The following PTPRT variants were observed in gnomAD, a reference collection of about 807,000 sequenced individuals.
PTPRT encodes receptor-type tyrosine-protein phosphatase T.
A neutral mutation model predicts 176.8 loss-of-function variants in PTPRT; 56 were observed. The ratio of observed to expected loss-of-function variants is 0.32; its 90% confidence interval spans 0.26 to 0.40. The LOEUF is 0.40. Among genes scored for constraint, PTPRT ranks in the 10% least tolerant of loss-of-function variants. PTPRT has a pLI of 1.00. For synonymous variants in PTPRT, 783 were observed against 739.0 expected, an observed-to-expected ratio of 1.06 and a Z score of -0.96; for missense variants, 1,540 against 1,908.2, an observed-to-expected ratio of 0.81 and a Z score of 3.60.
intron 7 of PTPRT, among the ~76,000 whole-genome samples, chr20:42,593,857 T>G (rs2073623083): frequency 6.6e-6 from 1 of 152,142 alleles, no homozygotes; most frequent in South Asian, 2.1e-4. Flanking sequence ...GCCCCTTTGT[T>G]AAGTAGGAGA....
intron 15 of PTPRT, among the ~76,000 whole-genome samples, chr20:42,231,952 C>T (rs771430887): frequency 7.2e-5 from 11 of 152,240 alleles, no homozygotes; most frequent in Middle Eastern, 3.4e-3. Flanking sequence ...TTCCTCTGCT[C>T]CTCCCCCATC....
chr20:42,061,227 CAT>C, the PTPRT span, among the ~76,000 whole-genome samples: 8 of 152,156 alleles, frequency 5.3e-5, no homozygotes, highest in Admixed American at 4.6e-4. Flanking sequence ...CGGTGATCCA[CAT>C]GTCCTTCATC....
At position 42,512,382 on chromosome 20, in the gene PTPRT, TCA is replaced by T. The variant is rs937549099; in HGVS notation, c.1154-39822_1154-39821del. Reference sequence around the variant, plus strand: ...TTTTGAGAACATCACGTAAGTGGAATCACACAATATGTAGGCTTTTGAGTGTC... The same window carrying T: ...TTTTGAGAACATCACGTAAGTGGAATCACAATATGTAGGCTTTTGAGTGTC... On this transcript the variant is annotated intron_variant, in intron 7 of 30. Coordinates refer to ENST00000373187, the MANE Select transcript of PTPRT (RefSeq NM_007050.6). Among the ~76,000 whole-genome samples, 22 of 152,178 alleles carry T rather than the reference TCA, an allele frequency of 1.4e-4. 1 individual carries two copies. The highest frequency in any genetic ancestry group is 5.1e-4 in the African/African-American group (21 of 41,452).
At chr20:42,596,079 A>G (rs1299881920) in intron 7 of PTPRT, among the ~76,000 whole-genome samples, 4 of 152,208 alleles carry the variant, frequency 2.6e-5, no homozygotes, top group Admixed American at 1.3e-4. Context: ...CTGGTAATAA[A>G]GGCAGGGCTG....
intron 16 of PTPRT, among the ~76,000 whole-genome samples, chr20:42,177,815 CT>C (rs1990355210): frequency 6.6e-6 from 1 of 151,990 alleles, no homozygotes; most frequent in African/African-American, 2.4e-5. Context: ...TGGTAAAGAT[CT>C]TTCTGTCTGT....
chr20:42,459,284 A>C (rs1053619685), intron 8 of PTPRT, among the ~76,000 whole-genome samples: 8 of 152,222 alleles, frequency 5.3e-5, no homozygotes, highest in African/African-American at 1.7e-4. Context: ...AGAGGCAAAC[A>C]AAAGTGGGAA....
chr20:42,769,467 C>A (rs552589238), intron 5 of PTPRT, among the ~76,000 whole-genome samples: 1 of 152,120 alleles, frequency 6.6e-6, no homozygotes, highest in Non-Finnish European at 1.5e-5. Flanking sequence ...AAAGACTGAC[C>A]ATACTGAGTG....
intron 8 of PTPRT, among the ~76,000 whole-genome samples, chr20:42,451,233 AG>A (rs1239891825): frequency 6.6e-6 from 1 of 152,198 alleles, no homozygotes; most frequent in Non-Finnish European, 1.5e-5. Context: ...GTGATAGATA[AG>A]GGTGAAGGAG....
chr20:42,828,232 T>C (rs2078028982), intron 2 of PTPRT, among the ~76,000 whole-genome samples: 1 of 152,204 alleles, frequency 6.6e-6, no homozygotes, highest in South Asian at 2.1e-4. Context: ...CAAACGTGAC[T>C]TTTGTTATGC....
intron 7 of PTPRT, among the ~76,000 whole-genome samples, chr20:42,514,311 C>T (rs563506085): frequency 6.6e-6 from 1 of 152,312 alleles, no homozygotes; most frequent in African/African-American, 2.4e-5. Flanking sequence ...ACATTTCTTA[C>T]ATATGGGATA....
chr20:43,037,878 G>A (rs75089974), intron 1 of PTPRT, among the ~76,000 whole-genome samples: 12,720 of 152,178 alleles, frequency 0.084, 601 homozygotes, highest in Middle Eastern at 0.15. Flanking sequence ...GGGACTCTGC[G>A]TGATATCATA....
chr20:42,634,738 TG>T (rs1569039777), intron 7 of PTPRT, among the ~76,000 whole-genome samples: 2 of 152,106 alleles, frequency 1.3e-5, no homozygotes, highest in East Asian at 3.9e-4. Context: ...TTTAGAGAGA[TG>T]AAAAAGATGA....
At chr20:42,188,049 C>A (rs977003024) in intron 16 of PTPRT, among the ~76,000 whole-genome samples, 31 of 152,312 alleles carry the variant, frequency 2.0e-4, no homozygotes, top group African/African-American at 7.0e-4. Context: ...GAGCTCCAGG[C>A]CCCAGAGTCC....
In PTPRT at chr20:42,708,682, CA is replaced by C. The variant is rs147123817; in HGVS notation, c.860-30524del. Among the ~76,000 whole-genome samples the C allele has an allele frequency of 5.4e-4, 83 of 152,296 alleles. 1 individual carries two copies. In the East Asian group the frequency reaches 0.016, roughly 29 times the overall value. On this transcript the variant is annotated intron_variant, in intron 6 of 30. Coordinates refer to ENST00000373187, the MANE Select transcript of PTPRT (RefSeq NM_007050.6). ...ATAGCTACCTCCTAAGTGGCTTGAA[CA>C]AGTTGCTTAACATTCTGTGGCCTCA...
chr20:42,633,819 A>ATATATATAT (rs1162225733), intron 7 of PTPRT, among the ~76,000 whole-genome samples: 3 of 85,612 alleles, frequency 3.5e-5, no homozygotes, highest in African/African-American at 2.0e-4. Context: ...ATATATATAT[A>ATATATATAT]ATAAAATATT....
At position 42,236,195 on chromosome 20, in the gene PTPRT, C is replaced by T. The variant is rs1263591667; in HGVS notation, c.2342+34G>A. ...GCATGCTACAGGTTCCCTTACAGGG[C>T]ACGAAGCAAAGTTAACACCAGCTCG... On this transcript the variant is annotated intron_variant, in intron 15 of 30. Transcript: ENST00000373187. 3.8e-6 allele frequency: 6 copies of T among 1,559,290 alleles called. No homozygotes were observed. The African/African-American group carries it at 6.8e-5, about 18-fold the overall frequency.
At chr20:42,974,338 G>A (rs1254481319) in intron 1 of PTPRT, among the ~76,000 whole-genome samples, 1 of 152,038 alleles carries the variant, frequency 6.6e-6, no homozygotes, top group Non-Finnish European at 1.5e-5. Context: ...AAATTTTTAA[G>A]CCCCAGAGTA....
At chr20:42,732,881 T>C (rs990809675) in intron 6 of PTPRT, among the ~76,000 whole-genome samples, 1 of 152,204 alleles carries the variant, frequency 6.6e-6, no homozygotes, top group African/African-American at 2.4e-5. Flanking sequence ...TTTAATACAC[T>C]ACAAAAGATC....
intron 2 of PTPRT, among the ~76,000 whole-genome samples, chr20:42,873,390 C>A (rs572361185): frequency 1.3e-5 from 2 of 152,260 alleles, no homozygotes; most frequent in East Asian, 3.9e-4. Context: ...GCACCTGGCA[C>A]AGAATGAGTG....
Sources: gnomAD v4.1 joint callset for allele counts (sites outside exome capture counted in the v4.1 genomes callset) on GRCh38, gnomAD v4.1.1 for gene constraint, MANE v1.5 for transcripts, NCBI Gene and HGNC (gene_info 2026-07-23, HGNC 2026-07-21) for gene names.